S100Z: variants seen among roughly 807,000 people sequenced by gnomAD.
S100Z encodes S100 calcium binding protein Z.
Under a neutral mutation model 8.5 loss-of-function variants are expected in S100Z, and 11 were observed. The observed-to-expected ratio is 1.30, with a 90% CI of 0.82 to 2.15. The LOEUF is 2.15. S100Z is among the 30% of genes most tolerant of loss of function. S100Z has a pLI of 0.00. For missense variants in S100Z, 126 were observed against 117.9 expected, an observed-to-expected ratio of 1.07 and a Z score of -0.32; for synonymous variants, 34 against 43.8, an observed-to-expected ratio of 0.78 and a Z score of 0.89.
chr5:76,916,195 A>G (rs1168019695), intron 4 of S100Z, among the ~76,000 whole-genome samples: 1 of 151,986 alleles, frequency 6.6e-6, no homozygotes, highest in African/African-American at 2.4e-5. Flanking sequence ...AGAGATGGTG[A>G]AGTACATTAC....
chr5:76,891,254 C>A (rs941936606), intron 4 of S100Z, among the ~76,000 whole-genome samples: 1 of 152,130 alleles, frequency 6.6e-6, no homozygotes, highest in Admixed American at 6.6e-5. Context: ...AGGTTTGAGT[C>A]CTTACTTTAC....
At chr5:76,909,791 T>C (rs1744584989) in intron 4 of S100Z, among the ~76,000 whole-genome samples, 1 of 152,328 alleles carries the variant, frequency 6.6e-6, no homozygotes, top group Non-Finnish European at 1.5e-5. Flanking sequence ...AGTTTTCAGA[T>C]GATCCTGATA....
chr5:76,939,538 G>A, the S100Z span, among the ~76,000 whole-genome samples: 1 of 136,370 alleles, frequency 7.3e-6, no homozygotes, highest in African/African-American at 2.7e-5. Context: ...TTTTAATGGA[G>A]TTTTGCTCTT....
intron 1 of S100Z, among the ~76,000 whole-genome samples, chr5:76,868,507 T>C (rs1285241149): frequency 1.0e-5 from 1 of 97,468 alleles, no homozygotes. Flanking sequence ...TTAAATATGA[T>C]ATAAATATAA....
chr5:76,916,052 C>G (rs1031344976), intron 4 of S100Z, among the ~76,000 whole-genome samples: 1 of 150,916 alleles, frequency 6.6e-6, no homozygotes, highest in Non-Finnish European at 1.5e-5. Flanking sequence ...TCCCAGCTAC[C>G]TGGGAGGCTG....
rs1478526928 is a variant in S100Z, at chr5:76,870,262, T to C, written c.-79T>C. 1 of 152,240 alleles carries C rather than the reference T, an allele frequency of 6.6e-6. No individual in the cohort carries two copies. The highest frequency in any genetic ancestry group is 1.5e-5 in the Non-Finnish European group (1 of 68,056). 9.4% of individuals were successfully genotyped at this position (152,240 alleles called of 1,614,324 possible). A position where few individuals can be genotyped will look rare whatever the true frequency, so the allele number is the denominator to read the frequency against. ...ACAGCATACAGTCCCGTGTCTCGGC[T>C]GAGTCATCGCATTCCTTAATAGGTA... On this transcript the variant is annotated 5_prime_UTR_variant, in exon 2 of 5. Transcript: ENST00000317593.
At chr5:76,889,568 C>T (rs1173612943) in intron 4 of S100Z, among the ~76,000 whole-genome samples, 1 of 152,168 alleles carries the variant, frequency 6.6e-6, no homozygotes, top group Non-Finnish European at 1.5e-5. Flanking sequence ...CCAGGATAGA[C>T]ATTATTAACA....
intron 4 of S100Z, among the ~76,000 whole-genome samples, chr5:76,911,279 G>A (rs544665809): frequency 2.7e-4 from 41 of 152,304 alleles, no homozygotes; most frequent in African/African-American, 9.6e-4. Flanking sequence ...AATTCTAGGA[G>A]TACAAAAACC....
At chr5:76,895,465 C>T (rs1744001963) in intron 4 of S100Z, among the ~76,000 whole-genome samples, 1 of 151,676 alleles carries the variant, frequency 6.6e-6, no homozygotes, top group African/African-American at 2.4e-5. Context: ...AAGTTAAAGC[C>T]CAATGACAGT....
intron 4 of S100Z, among the ~76,000 whole-genome samples, chr5:76,897,395 A>G (rs1308836981): frequency 6.6e-6 from 1 of 152,004 alleles, no homozygotes; most frequent in Non-Finnish European, 1.5e-5. Context: ...GTGAGCCAAG[A>G]TCGTGCCACT....
At chr5:76,889,245 T>C (rs766715534) in intron 4 of S100Z, among the ~76,000 whole-genome samples, 2 of 152,216 alleles carry the variant, frequency 1.3e-5, no homozygotes, top group African/African-American at 2.4e-5. Flanking sequence ...TATTAAACTC[T>C]CTGCTCCTTA....
At chr5:76,946,489 G>T in the S100Z span, among the ~76,000 whole-genome samples, 663 of 152,006 alleles carry the variant, frequency 4.4e-3, no homozygotes, top group Middle Eastern at 0.01. Context: ...ATCTTTAATG[G>T]GACCCATTCC....
Position 76,875,316 on chromosome 5 carries a change from G to A in S100Z, c.-44G>A, listed in dbSNP as rs750058349. The A allele has an allele frequency of 4.5e-6, 7 of 1,571,684 alleles. No individual in the cohort carries two copies. The highest frequency in any genetic ancestry group is 6.0e-6 in the Non-Finnish European group (7 of 1,159,468). ...TATTCTGAACAAGTGTCTTCTCCCC[G>A]GGTTTGGTGGCCTGCTTCTGGAGTG... On this transcript the variant is annotated 5_prime_UTR_variant, in exon 3 of 5. Transcript: ENST00000317593.
chr5:76,881,589 C>T (rs985267549), intron 4 of S100Z, among the ~76,000 whole-genome samples: 48 of 152,150 alleles, frequency 3.2e-4, no homozygotes, highest in African/African-American at 1.1e-3. Context: ...TTCTAAGAGG[C>T]GGGCTAGCTG....
the S100Z span, among the ~76,000 whole-genome samples, chr5:76,939,120 TA>T: frequency 3.3e-5 from 5 of 151,166 alleles, no homozygotes; most frequent in Non-Finnish European, 5.9e-5. Context: ...AAGATGTAAA[TA>T]AAATCAACTA....
At chr5:76,914,779 A>G (rs1744798577) in intron 4 of S100Z, among the ~76,000 whole-genome samples, 1 of 151,844 alleles carries the variant, frequency 6.6e-6, no homozygotes, top group African/African-American at 2.4e-5. Context: ...AGGAACAAAC[A>G]ACTCCTGACG....
At position 76,877,590 on chromosome 5, in the gene S100Z, T is replaced by C. The variant is rs1743241613; in HGVS notation, c.142-84T>C. On this transcript the variant is annotated intron_variant, in intron 3 of 4. Coordinates refer to ENST00000317593, the MANE Select transcript of S100Z (RefSeq NM_130772.4). The stretch of plus-strand genomic sequence containing the variant: ...ATGCTATAAATGGAAATTAGGAATT[T>C]AATGTAAATAAAAGGAAGATGAATT... 13 of 832,240 alleles carry C rather than the reference T, an allele frequency of 1.6e-5. 1 individual carries two copies. Among genetic ancestry groups the C allele is most frequent in the Non-Finnish European group, 2.4e-5 (12 of 506,254 alleles). 51.6% of individuals were successfully genotyped at this position (832,240 alleles called of 1,614,324 possible).
the S100Z span, among the ~76,000 whole-genome samples, chr5:76,927,056 T>A: frequency 6.6e-6 from 1 of 152,334 alleles, no homozygotes; most frequent in African/African-American, 2.4e-5. Flanking sequence ...TTGTAAGATG[T>A]TCCTGCTACT....
At chr5:76,866,805 G>A (rs575978746) in intron 1 of S100Z, among the ~76,000 whole-genome samples, 30 of 152,134 alleles carry the variant, frequency 2.0e-4, no homozygotes, top group Middle Eastern at 3.4e-3. Context: ...ACCTAATGAC[G>A]CATTTCTCAG....
Sources: gnomAD v4.1 joint callset for allele counts (sites outside exome capture counted in the v4.1 genomes callset) on GRCh38, gnomAD v4.1.1 for gene constraint, MANE v1.5 for transcripts, NCBI Gene and HGNC (gene_info 2026-07-23, HGNC 2026-07-21) for gene names.